Variants in LYST observed in about 807,000 individuals in gnomAD.
LYST encodes lysosomal trafficking regulator, also known as lysosomal-trafficking regulator.
A neutral mutation model predicts 413.6 loss-of-function variants in LYST; 192 were observed. That is an observed-to-expected ratio of 0.46 (90% confidence interval 0.41 to 0.52). The LOEUF (loss-of-function observed/expected upper bound fraction) is 0.52. LYST is among the 20% of genes least tolerant of loss of function. LYST has a pLI of 0.00. For missense variants in LYST, 3,815 were observed against 4,499.9 expected (o/e 0.85, Z 4.35); for synonymous variants, 1,525 against 1,567.3 (o/e 0.97, Z 0.64).
chr1:235,765,902 C>T (rs1177170813), intron 21 of LYST, among the ~76,000 whole-genome samples, 177 bp downstream of exon 21: 1 of 151,924 alleles, frequency 6.6e-6, no homozygotes, highest in Non-Finnish European at 1.5e-5. Context: ...GGCATTTAGA[C>T]TCCTTGAGGA....
chr1:235,868,354 G>T (rs10803116), upstream of LYST, among the ~76,000 whole-genome samples: 114,804 of 151,996 alleles, frequency 0.76, 43,371 homozygotes, highest in East Asian at 0.88. Context: ...TAGGTGCATG[G>T]GCCTGAACTG....
At chr1:235,693,311 T>C (rs769189380) in intron 47 of LYST, 39 bp downstream of exon 47, 4 of 1,475,028 alleles carry the variant, frequency 2.7e-6, no homozygotes, top group Non-Finnish European at 9.4e-7. Flanking sequence ...TGAGACTCCG[T>C]CTTAAAAATA....
At chr1:235,880,309 C>T (rs1335881486) in intron 1 of LYST, among the ~76,000 whole-genome samples, 1 of 152,092 alleles carries the variant, frequency 6.6e-6, no homozygotes, top group Non-Finnish European at 1.5e-5. Context: ...TACTGCCTTC[C>T]CTTGTGGAGA....
In LYST at chr1:235,662,989, A is replaced by G. The variant is rs1368986702; in HGVS notation, c.11357T>C (p.Leu3786Ser). The G allele has an allele frequency of 6.2e-7, 1 of 1,613,636 alleles. No individual in the cohort carries two copies. Among genetic ancestry groups the G allele is most frequent in the Non-Finnish European group, 8.5e-7 (1 of 1,179,640 alleles). Reference protein sequence around the residue: ...IAWCRKDQQRLKQPMFYSFLS... With the variant: ...IAWCRKDQQRSKQPMFYSFLS... Reference sequence around the variant, plus strand: ...GAAGGAATAGAACATTGGCTGTTTCAAGCGCTGCTGGTCCTTCCGACACCA... The same window carrying G: ...GAAGGAATAGAACATTGGCTGTTTCGAGCGCTGCTGGTCCTTCCGACACCA... The change falls in exon 53 of 53, where the codon TTG becomes TCG. Residue 3786 changes from leucine (L) to serine (S), a missense_variant. Transcript: ENST00000389793.
At chr1:235,882,727 G>A (rs1315776285) in intron 1 of LYST, among the ~76,000 whole-genome samples, 1 of 152,170 alleles carries the variant, frequency 6.6e-6, no homozygotes, top group Non-Finnish European at 1.5e-5. Context: ...AGGGCTAGCA[G>A]TGAGGAGTGA....
At chr1:235,846,311 T>C (rs1454037988) in intron 1 of LYST, among the ~76,000 whole-genome samples, 3 of 151,944 alleles carry the variant, frequency 2.0e-5, no homozygotes, top group Non-Finnish European at 4.4e-5. Flanking sequence ...GCCACATCCA[T>C]AGGAAAAGGA....
intron 1 of LYST, among the ~76,000 whole-genome samples, chr1:235,877,801 T>C (rs1681207823): frequency 6.7e-6 from 1 of 148,340 alleles, no homozygotes; most frequent in Non-Finnish European, 1.5e-5. Flanking sequence ...GTGGGTCATC[T>C]TATGGGAAAT....
Position 235,777,188 on chromosome 1 carries a change from C to T in LYST, c.5335G>A (p.Glu1779Lys). 6.2e-7 allele frequency: 1 copy of T among 1,613,736 alleles called. No homozygotes were observed. Among genetic ancestry groups the T allele is most frequent in the Non-Finnish European group, 8.5e-7 (1 of 1,179,810 alleles). Residue 1779 changes from glutamate to lysine, a missense_variant, in exon 17 of 53, where the codon GAA becomes AAA. By Grantham distance (56) the Glu-to-Lys change is moderately conservative. Transcript: ENST00000389793. ...GGTTCTAATAAGATGCTCTGAACTT[C>T]TTTTGAGCTGAAGGGTCTTTGAGAG... ...QLSQRPFSSK[E>K]VQSILLEPHH...
chr1:235,791,452 C>T, intron 12 of LYST: 1 of 457,538 alleles, frequency 2.2e-6, no homozygotes, highest in East Asian at 4.4e-5. Flanking sequence ...GGCTGATGAC[C>T]CCAGAAAAAG....
intron 42 of LYST, among the ~76,000 whole-genome samples, chr1:235,713,462 T>G (rs1230849364): frequency 1.3e-5 from 2 of 152,252 alleles, no homozygotes; most frequent in Non-Finnish European, 1.5e-5. Context: ...TGTATTTTCC[T>G]ACATTTTATT....
At chr1:235,681,706 T>C (rs1659826923) in intron 48 of LYST, among the ~76,000 whole-genome samples, 1 of 152,190 alleles carries the variant, frequency 6.6e-6, no homozygotes, top group Non-Finnish European at 1.5e-5. Flanking sequence ...ATGTAGGTTT[T>C]AATTGTAGGA....
At chr1:235,859,577 T>C (rs1679627465) in intron 1 of LYST, among the ~76,000 whole-genome samples, 2 of 151,152 alleles carry the variant, frequency 1.3e-5, no homozygotes, top group African/African-American at 2.4e-5. Context: ...TCCACCAAAC[T>C]GAAGAAAACT....
Position 235,830,314 on chromosome 1 carries a change from T to C in LYST, c.104A>G (p.Glu35Gly), listed in dbSNP as rs1185984907. ...QRVEAREEEE[E>G]ETHMATLGQY... Reference sequence around the variant, plus strand: ...TCCAAGGGTTGCCATGTGCGTCTCCTCCTCTTCTTCCTCCCTGGCCTCCAC... The same window carrying C: ...TCCAAGGGTTGCCATGTGCGTCTCCCCCTCTTCTTCCTCCCTGGCCTCCAC... The change falls in exon 3 of 53, where the codon GAG becomes GGG. Residue 35 changes from glutamate (E) to glycine (G), a missense_variant. Glu to Gly is a moderately conservative substitution (Grantham distance 98, BLOSUM62 -2). Coordinates refer to ENST00000389793, the MANE Select transcript of LYST (RefSeq NM_000081.4). 4 of 1,613,962 alleles carry C rather than the reference T, an allele frequency of 2.5e-6. No homozygotes were observed. The highest frequency in any genetic ancestry group is 3.4e-6 in the Non-Finnish European group (4 of 1,179,874).
intron 10 of LYST, among the ~76,000 whole-genome samples, chr1:235,798,360 T>G (rs1034195708): frequency 6.6e-6 from 1 of 151,382 alleles, no homozygotes; most frequent in African/African-American, 2.4e-5. Flanking sequence ...CATAAAAAAT[T>G]AGATGTTAAT....
intron 18 of LYST, among the ~76,000 whole-genome samples, chr1:235,774,433 G>A (rs1013804853): frequency 1.3e-5 from 2 of 152,124 alleles, no homozygotes; most frequent in Non-Finnish European, 2.9e-5. Context: ...GTTACCAAAT[G>A]CTTTCATCTA....
chr1:235,682,471 C>T (rs567214460), intron 48 of LYST, among the ~76,000 whole-genome samples: 1 of 152,254 alleles, frequency 6.6e-6, no homozygotes, highest in South Asian at 2.1e-4. Flanking sequence ...CCTCAGGAAG[C>T]CCACAGCAGG....
At chr1:235,683,511 T>C (rs536220583) in intron 48 of LYST, among the ~76,000 whole-genome samples, 1 of 152,352 alleles carries the variant, frequency 6.6e-6, no homozygotes, top group African/African-American at 2.4e-5. Flanking sequence ...CGAGTCAACT[T>C]ATTCATCATT....
intron 41 of LYST, among the ~76,000 whole-genome samples, chr1:235,715,955 C>T (rs1386699823): frequency 6.6e-6 from 1 of 151,840 alleles, no homozygotes; most frequent in Non-Finnish European, 1.5e-5. Context: ...TAATATCTGT[C>T]ACTATTCTTG....
chr1:235,832,816 T>A (rs771053964), intron 2 of LYST, among the ~76,000 whole-genome samples: 2 of 152,258 alleles, frequency 1.3e-5, no homozygotes, highest in South Asian at 4.1e-4. Context: ...AGGTAGGTTT[T>A]ACATATTTCT....
Sources: gnomAD v4.1 joint callset for allele counts (sites outside exome capture counted in the v4.1 genomes callset) on GRCh38, gnomAD v4.1.1 for gene constraint, MANE v1.5 for transcripts, NCBI Gene and HGNC (gene_info 2026-07-23, HGNC 2026-07-21) for gene names.